Variants in OPCML observed in about 807,000 individuals in gnomAD.
The protein encoded by OPCML is opioid-binding protein/cell adhesion molecule.
In OPCML, 13 loss-of-function variants were observed where a neutral mutation model predicts 37.8. That is an observed-to-expected ratio of 0.34 (90% CI 0.22 to 0.55). The LOEUF (loss-of-function observed/expected upper bound fraction) is 0.55. OPCML is among the 20% of genes least tolerant of loss of function. OPCML has a pLI of 0.91. For synonymous variants in OPCML, 176 were observed against 168.8 expected (o/e 1.04, Z -0.33); for missense variants, 341 against 435.6 (o/e 0.78, Z 1.93).
chr11:133,433,469 C>T (rs1446128047), intron 1 of OPCML, among the ~76,000 whole-genome samples: 2 of 152,086 alleles, frequency 1.3e-5, no homozygotes, highest in African/African-American at 4.8e-5. Context: ...TCCTCATGTA[C>T]GTGATGAGCT....
intron 1 of OPCML, chr11:133,439,427 G>A: frequency 1.0e-6 from 1 of 984,958 alleles, no homozygotes; most frequent in Non-Finnish European, 1.2e-6. Context: ...TGCTTATGAG[G>A]CCAACCTAAC....
chr11:132,677,781 A>T (rs779034341), intron 2 of OPCML, among the ~76,000 whole-genome samples: 118 of 152,330 alleles, frequency 7.7e-4, no homozygotes, highest in Non-Finnish European at 1.3e-3. Flanking sequence ...AAACAGATAA[A>T]ACAAAAAATT....
chr11:132,530,777 C>T (rs2096322879), intron 3 of OPCML, among the ~76,000 whole-genome samples: 1 of 152,138 alleles, frequency 6.6e-6, no homozygotes, highest in South Asian at 2.1e-4. Flanking sequence ...GGCCCTGTTT[C>T]CTCTAACACA....
chr11:132,756,500 C>T (rs1488683016), intron 2 of OPCML, among the ~76,000 whole-genome samples: 2 of 152,150 alleles, frequency 1.3e-5, no homozygotes, highest in African/African-American at 2.4e-5. Context: ...CTCCTAGGTG[C>T]GACTGTGTTA....
At chr11:133,492,673 A>G (rs904828129) in intron 1 of OPCML, among the ~76,000 whole-genome samples, 1 of 151,824 alleles carries the variant, frequency 6.6e-6, no homozygotes, top group Non-Finnish European at 1.5e-5. Context: ...TGATGTTAAT[A>G]TCAGGGAGAC....
At chr11:133,191,666 G>A (rs903018689) in intron 1 of OPCML, among the ~76,000 whole-genome samples, 19 of 151,964 alleles carry the variant, frequency 1.3e-4, no homozygotes, top group African/African-American at 1.5e-4. Context: ...GCTTATTTTC[G>A]TATTTTTAGT....
intron 1 of OPCML, among the ~76,000 whole-genome samples, chr11:133,294,663 T>C (rs1942575735): frequency 6.6e-6 from 1 of 152,076 alleles, no homozygotes; most frequent in Admixed American, 6.6e-5. Flanking sequence ...TAATGTGCTA[T>C]GGCTTCATCA....
intron 2 of OPCML, among the ~76,000 whole-genome samples, chr11:132,769,236 G>GTT (rs1946558951): frequency 4.4e-5 from 6 of 134,874 alleles, no homozygotes; most frequent in Non-Finnish European, 6.8e-5. Context: ...TTTTTGGTTT[G>GTT]TTTGTTGTTT....
intron 3 of OPCML, among the ~76,000 whole-genome samples, chr11:132,538,981 A>G (rs769541274): frequency 8.5e-5 from 13 of 152,216 alleles, no homozygotes; most frequent in Non-Finnish European, 1.5e-4. Flanking sequence ...CCCTCATTCT[A>G]CAGATAAATG....
chr11:132,757,867 T>G (rs1333113251), intron 2 of OPCML, among the ~76,000 whole-genome samples: 1 of 152,220 alleles, frequency 6.6e-6, no homozygotes, highest in Non-Finnish European at 1.5e-5. Context: ...CATGAAGTCT[T>G]TGTCCATGCC....
At chr11:133,528,383 T>A (rs553616529) in intron 1 of OPCML, among the ~76,000 whole-genome samples, 139 of 152,352 alleles carry the variant, frequency 9.1e-4, no homozygotes, top group Admixed American at 1.8e-3. Flanking sequence ...CATGACCAGA[T>A]GCTCTGTCCT....
chr11:133,237,545 A>G (rs1940566418), intron 1 of OPCML, among the ~76,000 whole-genome samples: 1 of 152,232 alleles, frequency 6.6e-6, no homozygotes, highest in Admixed American at 6.5e-5. Flanking sequence ...ACACTTTTAG[A>G]GGACCAAATC....
intron 1 of OPCML, among the ~76,000 whole-genome samples, chr11:133,130,032 C>A (rs369122996): frequency 6.6e-6 from 1 of 150,696 alleles, no homozygotes; most frequent in African/African-American, 2.4e-5. Context: ...GAATTAGTAA[C>A]CAAGGATACT....
chr11:132,978,093 G>A (rs1184621905), intron 1 of OPCML, among the ~76,000 whole-genome samples: 2 of 152,150 alleles, frequency 1.3e-5, no homozygotes, highest in Non-Finnish European at 2.9e-5. Context: ...AATAAATACC[G>A]GATGCCGGCG....
intron 1 of OPCML, among the ~76,000 whole-genome samples, chr11:133,382,753 G>C (rs146275312): frequency 6.6e-6 from 1 of 152,074 alleles, no homozygotes. Flanking sequence ...ATCTCCCACC[G>C]ATCGATGTTC....
chr11:132,821,051 GA>G (rs1254218672), intron 2 of OPCML, among the ~76,000 whole-genome samples: 2 of 152,312 alleles, frequency 1.3e-5, no homozygotes, highest in Admixed American at 1.3e-4. Context: ...GAACCACAAG[GA>G]AAGCCTTCTC....
intron 4 of OPCML, among the ~76,000 whole-genome samples, chr11:132,452,662 C>A (rs2096071676): frequency 6.6e-6 from 1 of 151,304 alleles, no homozygotes. Context: ...TTTTCATGTC[C>A]TCCCTCACTT....
intron 1 of OPCML, among the ~76,000 whole-genome samples, chr11:133,488,424 CA>C (rs1418697960): frequency 4.6e-5 from 7 of 152,020 alleles, no homozygotes; most frequent in Non-Finnish European, 7.4e-5. Flanking sequence ...TTTCAGGATA[CA>C]AAATTAACAG....
In OPCML at chr11:132,727,215, G is replaced by A. The variant is rs560012830; in HGVS notation, c.147-69896C>T. Among the ~76,000 whole-genome samples, 5 of 152,164 alleles carry A rather than the reference G, an allele frequency of 3.3e-5. No homozygotes were observed. The South Asian group carries it at 8.3e-4, about 25-fold the overall frequency. ...AAAACCAGCATAGAGAGGTAGGGTC[G>A]CTCTCCTGAGGTCACGTGGTTAGGT... On this transcript the variant is annotated intron_variant, in intron 2 of 7. Coordinates refer to ENST00000524381, the MANE Select transcript of OPCML (RefSeq NM_001012393.5).
Sources: gnomAD v4.1 joint callset for allele counts (sites outside exome capture counted in the v4.1 genomes callset) on GRCh38, gnomAD v4.1.1 for gene constraint, MANE v1.5 for transcripts, NCBI Gene and HGNC (gene_info 2026-07-23, HGNC 2026-07-21) for gene names.